Variants in RAD51C observed in about 807,000 individuals in gnomAD.
RAD51C encodes the protein DNA repair protein RAD51 homolog 3.
Under a neutral mutation model 45.0 loss-of-function variants are expected in RAD51C, and 42 were observed. The ratio of observed to expected loss-of-function variants is 0.93; its 90% CI spans 0.73 to 1.21. The LOEUF is 1.21. Ranked by LOEUF, RAD51C falls within the 50% of genes most tolerant of loss-of-function variation. The pLI, the probability that RAD51C is intolerant of heterozygous loss-of-function variation, is 0.00. For missense variants in RAD51C, 474 were observed against 452.2 expected, an observed-to-expected ratio of 1.05 and a Z score of -0.44; for synonymous variants, 172 against 159.8, an observed-to-expected ratio of 1.08 and a Z score of -0.58.
intron 4 of RAD51C, chr17:58,706,058 A>G (rs2048368246): frequency 6.6e-6 from 1 of 152,206 alleles, no homozygotes; most frequent in Non-Finnish European, 1.5e-5. Context: ...ATAGTAGGAA[A>G]TGCATAGGAT....
At chr17:58,706,884 C>T (rs933899455) in intron 4 of RAD51C, among the ~76,000 whole-genome samples, 1 of 152,138 alleles carries the variant, frequency 6.6e-6, no homozygotes, top group Non-Finnish European at 1.5e-5. Flanking sequence ...ATTGTTCAAC[C>T]GTACCTTTGG....
chr17:58,727,886 C>T (rs2049229387), intron 7 of RAD51C, among the ~76,000 whole-genome samples: 1 of 150,874 alleles, frequency 6.6e-6, no homozygotes, highest in South Asian at 2.1e-4. Flanking sequence ...TATGATTGAG[C>T]TATTATACTT....
At chr17:58,695,278 A>G (rs2047965010) in intron 2 of RAD51C, 89 bp downstream of exon 2, 3 of 1,489,340 alleles carry the variant, frequency 2.0e-6, no homozygotes, top group East Asian at 4.6e-5. Context: ...ACCAAATAAG[A>G]TATATATGTG....
intron 5 of RAD51C, among the ~76,000 whole-genome samples, chr17:58,716,982 T>G (rs2048762014): frequency 6.6e-6 from 1 of 152,012 alleles, no homozygotes; most frequent in Admixed American, 6.6e-5. Flanking sequence ...TTGTGTATTT[T>G]TAGTAGAGAC....
At position 58,724,057 on chromosome 17, in the gene RAD51C, G is replaced by T. The variant is rs185057307; in HGVS notation, c.922G>T (p.Ala308Ser). ...ACTCTCAGGGGAAAGTTGGGGACATGCTGCTACAATACGGCTAATCTTTCA... is the reference window on the plus strand; with the variant it reads ...ACTCTCAGGGGAAAGTTGGGGACATTCTGCTACAATACGGCTAATCTTTCA... ...VPALGESWGH[A>S]ATIRLIFHWD... Residue 308 changes from alanine (A) to serine (S), a missense_variant, in exon 7 of 9, where the codon GCT (alanine) becomes TCT (serine). Physicochemically the swap from Ala to Ser is moderately conservative, Grantham distance 99 (BLOSUM62 1). Coordinates refer to ENST00000337432, the MANE Select transcript of RAD51C (RefSeq NM_058216.3). 45 of 1,613,282 alleles carry T rather than the reference G, an allele frequency of 2.8e-5. No individual in the cohort carries two copies. In the African/African-American group the frequency reaches 6.0e-4, roughly 22 times the overall value.
intron 7 of RAD51C, among the ~76,000 whole-genome samples, chr17:58,731,650 A>G (rs2049430116): frequency 1.3e-5 from 2 of 152,226 alleles, no homozygotes; most frequent in South Asian, 2.1e-4. Flanking sequence ...TTTCTCAGCT[A>G]CTTTTAGCTT....
At chr17:58,694,536 A>G in intron 1 of RAD51C, 2 of 208,458 alleles carry the variant, frequency 9.6e-6, no homozygotes, top group South Asian at 1.5e-4. Flanking sequence ...GCTGGAATGC[A>G]GTGGTGCGAT....
chr17:58,727,603 A>G (rs560813234), intron 7 of RAD51C, among the ~76,000 whole-genome samples: 4 of 152,040 alleles, frequency 2.6e-5, no homozygotes, highest in South Asian at 2.1e-4. Context: ...AATAATGTAC[A>G]TACTTTATGT....
Position 58,720,817 on chromosome 17 carries a change from G to T in RAD51C, c.904+5G>T, listed in dbSNP as rs587782702. On this transcript the variant is annotated splice_donor_5th_base_variant and intron_variant, in intron 6 of 8. Transcript: ENST00000337432. The stretch of plus-strand genomic sequence containing the variant: ...CCTTGCTTGTTCCTGCATTAGGTGG[G>T]TAATTAATCAGATAAACATTTTAGT... The T allele has an allele frequency of 8.7e-6, 14 of 1,602,834 alleles. No homozygotes were observed. Among genetic ancestry groups the T allele is most frequent in the African/African-American group, 1.3e-5 (1 of 74,652 alleles).
intron 1 of RAD51C, chr17:58,693,986 T>G (rs542118857): frequency 6.6e-6 from 1 of 152,254 alleles, no homozygotes; most frequent in Non-Finnish European, 1.5e-5. Context: ...AGTGATGTCA[T>G]CCTCACCATT....
chr17:58,694,351 A>C (rs2047913811), intron 1 of RAD51C: 1 of 155,668 alleles, frequency 6.4e-6, no homozygotes, highest in Non-Finnish European at 1.4e-5. Context: ...GGTAATAGTG[A>C]GTACATTTTT....
intron 5 of RAD51C, 33 bp downstream of exon 5, chr17:58,710,023 C>T (rs1235607302): frequency 6.3e-7 from 1 of 1,582,864 alleles, no homozygotes; most frequent in Non-Finnish European, 8.7e-7. Context: ...AGTTTTATAA[C>T]AAAGTCAAGA....
intron 2 of RAD51C, among the ~76,000 whole-genome samples, chr17:58,696,077 A>G (rs934622452): frequency 6.7e-6 from 1 of 148,634 alleles, no homozygotes; most frequent in African/African-American, 2.5e-5. Flanking sequence ...AAAAGAAAAA[A>G]AAAAAAGGTA....
intron 5 of RAD51C, among the ~76,000 whole-genome samples, chr17:58,716,233 T>C (rs2048731451): frequency 6.6e-6 from 1 of 152,164 alleles, no homozygotes; most frequent in Non-Finnish European, 1.5e-5. Flanking sequence ...TTGCTAATAA[T>C]GGAAATTCTA....
intron 7 of RAD51C, among the ~76,000 whole-genome samples, chr17:58,724,418 C>CT (rs2049039918): frequency 6.6e-6 from 1 of 150,878 alleles, no homozygotes; most frequent in Non-Finnish European, 1.5e-5. Flanking sequence ...GGTGAGTACT[C>CT]TGTGTTCCTG....
At chr17:58,724,190 TGA>T in intron 7 of RAD51C, 90 bp downstream of exon 7, 2 of 1,270,754 alleles carry the variant, frequency 1.6e-6, no homozygotes. Context: ...GTCCTGTGGA[TGA>T]GATATACAGT....
At chr17:58,696,885 T>A in intron 3 of RAD51C, 26 bp downstream of exon 3, 1 of 1,611,348 alleles carries the variant, frequency 6.2e-7, no homozygotes, top group Non-Finnish European at 8.5e-7. Flanking sequence ...ATCTTCTTTT[T>A]TTCTGTATTA....
intron 6 of RAD51C, among the ~76,000 whole-genome samples, chr17:58,722,820 AT>A (rs2143947803): frequency 6.6e-6 from 1 of 152,190 alleles, no homozygotes; most frequent in East Asian, 1.9e-4. Context: ...TACCCTCCTG[AT>A]TTGCCTCATG....
At chr17:58,703,054 A>AT (rs1267224953) in intron 3 of RAD51C, 142 bp from the exon 4 acceptor site, 93 of 871,636 alleles carry the variant, frequency 1.1e-4, no homozygotes, top group Non-Finnish European at 1.6e-4. Flanking sequence ...GTTTATAGTA[A>AT]TTTTGCTATA....
Sources: gnomAD v4.1 joint callset for allele counts (sites outside exome capture counted in the v4.1 genomes callset) on GRCh38, gnomAD v4.1.1 for gene constraint, MANE v1.5 for transcripts, NCBI Gene and HGNC (gene_info 2026-07-23, HGNC 2026-07-21) for gene names.